SPTB: variants seen among roughly 807,000 people sequenced by gnomAD.
SPTB encodes spectrin beta, erythrocytic.
In SPTB, 45 loss-of-function variants were observed where a neutral mutation model predicts 256.2. That is an observed-to-expected ratio of 0.18 (90% CI 0.14 to 0.23). The LOEUF is 0.23. SPTB is among the 10% of genes least tolerant of loss of function. SPTB has a pLI of 1.00. For missense variants in SPTB, 2,715 were observed against 3,040.4 expected (o/e 0.89, Z 2.52); for synonymous variants, 1,231 against 1,243.1 (o/e 0.99, Z 0.21).
chr14:64,876,088 C>T (rs1208909573), intron 1 of SPTB, among the ~76,000 whole-genome samples: 1 of 152,042 alleles, frequency 6.6e-6, no homozygotes, highest in African/African-American at 2.4e-5. Flanking sequence ...CCTTAGCCTC[C>T]GAAGTAACTG....
chr14:64,795,457 G>T lies in SPTB; in HGVS notation c.1524C>A (p.Arg508=). The change falls in exon 12 of 36, where the codon CGC becomes CGA. Residue 508 remains arginine, a synonymous_variant. Coordinates refer to ENST00000644917, the MANE Select transcript of SPTB (RefSeq NM_001355436.2). The surrounding 1 kb of genome is among the most constrained non-coding windows in gnomAD (Gnocchi z 6.5). ...GCAGCTCCTGCAGGTAGCTCCATAGGCGCAGTATATTGTCCTTGCGGGCCG... is the reference window on the plus strand; with the variant it reads ...GCAGCTCCTGCAGGTAGCTCCATAGTCGCAGTATATTGTCCTTGCGGGCCG... The part of the protein sequence containing the change: ...RITARKDNIL[R]LWSYLQELLQ... 1 of 1,614,212 alleles carries T rather than the reference G, an allele frequency of 6.2e-7. No homozygotes were observed. The highest frequency in any genetic ancestry group is 8.5e-7 in the Non-Finnish European group (1 of 1,180,026).
rs764565903 is a variant in SPTB at position 64,797,756 on chromosome 14, A to T, written c.1155T>A (p.Asp385Glu). 3.1e-6 allele frequency: 5 copies of T among 1,613,998 alleles called. No homozygotes were observed. The highest frequency in any genetic ancestry group is 1.7e-4 in the Middle Eastern group (1 of 6,060). Reference protein sequence around the residue: ...ANNQKVYTPHDGKLVSDINRA... With the variant: ...ANNQKVYTPHEGKLVSDINRA... ...TGTTGATGTCAGACACTAGTTTCCCATCGTGGGGTGTGTACACTTTCTGAT... is the reference window on the plus strand; with the variant it reads ...TGTTGATGTCAGACACTAGTTTCCCTTCGTGGGGTGTGTACACTTTCTGAT... Residue 385 changes from aspartate (D) to glutamate (E), a missense_variant, in exon 10 of 36, where the codon GAT becomes GAA. This residue lies in a region of SPTB where 416 missense variants were observed against 571.1 expected (regional missense o/e 0.73). Coordinates refer to ENST00000644917, the MANE Select transcript of SPTB (RefSeq NM_001355436.2).
intron 19 of SPTB, among the ~76,000 whole-genome samples, chr14:64,783,914 G>A (rs757924351): frequency 5.9e-5 from 9 of 152,206 alleles, no homozygotes; most frequent in Non-Finnish European, 1.0e-4. Context: ...GCCCTGTGCA[G>A]GACAGTGCTG....
intron 1 of SPTB, among the ~76,000 whole-genome samples, chr14:64,833,211 ACTT>A (rs921759172): frequency 4.6e-5 from 7 of 152,068 alleles, no homozygotes; most frequent in East Asian, 1.9e-4. Flanking sequence ...TTACAGAATA[ACTT>A]CTTCTCTGTC....
At chr14:64,872,920 C>G (rs1882623869) in intron 1 of SPTB, among the ~76,000 whole-genome samples, 1 of 152,222 alleles carries the variant, frequency 6.6e-6, no homozygotes, top group South Asian at 2.1e-4. Flanking sequence ...GATTGTGAGT[C>G]ATCCCCAGCC....
At chr14:64,836,497 C>T (rs775020866) in intron 1 of SPTB, among the ~76,000 whole-genome samples, 2 of 151,806 alleles carry the variant, frequency 1.3e-5, no homozygotes, top group African/African-American at 4.9e-5. Flanking sequence ...AATACGCTGT[C>T]AAGGCAAAAC....
chr14:64,818,628 G>A (rs1373937364), intron 2 of SPTB, among the ~76,000 whole-genome samples: 2 of 152,260 alleles, frequency 1.3e-5, no homozygotes, highest in Non-Finnish European at 1.5e-5. Flanking sequence ...TGAGGAGAGG[G>A]AGACAGAGGA....
intron 32 of SPTB, among the ~76,000 whole-genome samples, chr14:64,762,674 C>T (rs568416286): frequency 2.0e-5 from 3 of 152,368 alleles, no homozygotes; most frequent in South Asian, 2.1e-4. Flanking sequence ...GGGCTGCTGG[C>T]TGCACAGGCA....
intron 3 of SPTB, among the ~76,000 whole-genome samples, chr14:64,804,399 G>C (rs1405157930): frequency 2.0e-5 from 3 of 152,180 alleles, no homozygotes; most frequent in African/African-American, 7.2e-5. Flanking sequence ...TTTACACATG[G>C]GGGAAATGGA....
At chr14:64,766,653 G>A (rs1267178831) in intron 32 of SPTB, 73 bp downstream of exon 32, 3 of 1,613,054 alleles carry the variant, frequency 1.9e-6, no homozygotes, top group Non-Finnish European at 1.7e-6. Context: ...CACCTGGGCT[G>A]AGCCTAGTAG....
rs2082559986 is a variant in SPTB at position 64,786,024 on chromosome 14, G to A, written c.3562-73C>T. ...TGATGAGCACACCTCCCAAGTGGGA[G>A]CACCACGTGCAGCCACACAGGCCAC... is the stretch of plus-strand genomic sequence containing the variant. On this transcript the variant is annotated intron_variant, in intron 16 of 35. Transcript: ENST00000644917. This position sits in a 1 kb window ranked among gnomAD's most constrained non-coding sequence, Gnocchi z 5.6. The A allele has an allele frequency of 4.7e-6, 7 of 1,488,816 alleles. No homozygotes were observed. In the Admixed American group the frequency reaches 1.0e-4, roughly 21 times the overall value. 92.2% of individuals were successfully genotyped at this position (1,488,816 alleles called of 1,614,324 possible). A position where few individuals can be genotyped will look rare whatever the true frequency, so the allele number is the denominator to read the frequency against.
intron 1 of SPTB, among the ~76,000 whole-genome samples, chr14:64,850,651 C>T (rs981063568): frequency 5.3e-5 from 8 of 152,174 alleles, no homozygotes; most frequent in Non-Finnish European, 1.2e-4. Flanking sequence ...AAGTAGAATG[C>T]CAACAATTCC....
chr14:64,879,376 A>G (rs28370916), intron 1 of SPTB, among the ~76,000 whole-genome samples: 118,702 of 152,158 alleles, frequency 0.78, 48,848 homozygotes, highest in Non-Finnish European at 0.91. Flanking sequence ...AAGCCGGACA[A>G]AAAAAGGCAG....
chr14:64,791,900 C>A, intron 14 of SPTB, 44 bp from the exon 15 acceptor site: 1 of 1,612,764 alleles, frequency 6.2e-7, no homozygotes. Flanking sequence ...GAGGCGGCAG[C>A]AGACATTTCC....
intron 30 of SPTB, 41 bp downstream of exon 30, chr14:64,767,622 T>C (rs202225559): frequency 6.2e-7 from 1 of 1,610,904 alleles, no homozygotes; most frequent in Non-Finnish European, 8.5e-7. Flanking sequence ...GGGGGCACAG[T>C]TGCCACCCTC....
In SPTB at chr14:64,772,936, G is replaced by A. The variant is rs781000542; in HGVS notation, c.5197C>T (p.Arg1733Trp). The A allele has an allele frequency of 5.0e-6, 8 of 1,602,636 alleles. No homozygotes were observed. Among genetic ancestry groups the A allele is most frequent in the East Asian group, 2.2e-5 (1 of 44,690 alleles). The change falls in exon 26 of 36, where the codon CGG becomes TGG. Residue 1733 changes from arginine to tryptophan, a missense_variant. Coordinates refer to ENST00000644917, the MANE Select transcript of SPTB (RefSeq NM_001355436.2). This position sits in a 1 kb window ranked among gnomAD's most constrained non-coding sequence, Gnocchi z 5.4. ...GCCCCGGTCTCCCGGGCAAAGTCCC[G>A]GAACTTGTCCCGCAGAAGCTAGGCA... is the stretch of plus-strand genomic sequence containing the variant. ...DHVTLLRDKF[R>W]DFARETGAIG...
At chr14:64,855,356 A>G (rs1455934855) in intron 1 of SPTB, among the ~76,000 whole-genome samples, 1 of 152,190 alleles carries the variant, frequency 6.6e-6, no homozygotes, top group Non-Finnish European at 1.5e-5. Flanking sequence ...TCAAAACACC[A>G]TTCTTTATGA....
rs1875746832 is a variant in SPTB, at chr14:64,790,854, A to C, written c.2804+865T>G. On this transcript the variant is annotated intron_variant, in intron 15 of 35. Transcript: ENST00000644917. This position sits in a 1 kb window ranked among gnomAD's most constrained non-coding sequence, Gnocchi z 4.8. ...GAACTCATGGGCAATTTCACCCCAC[A>C]CTGAAAGCACCCCCTCTCTAAAGGC... 6.6e-6 allele frequency among the ~76,000 whole-genome samples: 1 copy of C among 152,130 alleles called. No individual in the cohort carries two copies. The highest frequency in any genetic ancestry group is 1.5e-5 in the Non-Finnish European group (1 of 68,006).
chr14:64,853,433 G>A lies in SPTB; in HGVS notation c.-52+26359C>T, dbSNP rs1004814325. On this transcript the variant is annotated intron_variant, in intron 1 of 35. Transcript: ENST00000644917. The surrounding 1 kb of genome is among the most constrained non-coding windows in gnomAD (Gnocchi z 4.3). The stretch of plus-strand genomic sequence containing the variant: ...GATAACCATATCAGGAAGCCTCAGG[G>A]GAGGAAATTTCCAGAAGCAAGGAGC... Among the ~76,000 whole-genome samples the A allele has an allele frequency of 1.3e-5, 2 of 152,116 alleles. No individual in the cohort carries two copies. Among genetic ancestry groups the A allele is most frequent in the African/African-American group, 2.4e-5 (1 of 41,408 alleles).
Sources: allele counts gnomAD v4.1 joint callset (sites outside exome capture counted in the v4.1 genomes callset), GRCh38; gene constraint gnomAD v4.1.1; regional missense constraint gnomAD v4.1.1; non-coding constraint Gnocchi (gnomAD v3.1); transcripts MANE v1.5; gene names NCBI Gene and HGNC (gene_info 2026-07-23, HGNC 2026-07-21).